Variants in PHF13 observed in about 807,000 individuals in gnomAD.
The protein encoded by PHF13 is PHD zinc finger protein PHF5.
Under a neutral mutation model 25.8 loss-of-function variants are expected in PHF13, and 1 was observed. That is an observed-to-expected ratio of 0.04 (90% CI 0.01 to 0.18). The LOEUF (loss-of-function observed/expected upper bound fraction) is 0.18, where lower values mean the gene tolerates loss of function less well. Among genes scored for constraint, PHF13 ranks in the 10% least tolerant of loss-of-function variants. PHF13 has a pLI of 1.00. For missense variants in PHF13, 306 were observed against 403.2 expected, an observed-to-expected ratio of 0.76 and a Z score of 2.06; for synonymous variants, 195 against 162.4, an observed-to-expected ratio of 1.20 and a Z score of -1.53.
rs1641341196 is a variant in PHF13, at chr1:6,621,595, C to T, written c.861C>T (p.Ser287=). The T allele has an allele frequency of 3.7e-6, 6 of 1,614,222 alleles. No individual in the cohort carries two copies. Among genetic ancestry groups the T allele is most frequent in the East Asian group, 2.2e-5 (1 of 44,884 alleles). Residue 287 remains serine (S), a synonymous_variant, in exon 4 of 4, where the codon TCC becomes TCT. Transcript: ENST00000377648. This position sits in a 1 kb window ranked among gnomAD's most constrained non-coding sequence, Gnocchi z 4.8. ...CRDSKFDIRR[S]NRSRTGSRKL... is the part of the protein sequence containing the mutation. ...ACTCCAAGTTTGACATCCGCCGTTC[C>T]AACCGCTCGCGGACGGGCTCCCGGA...
At chr1:6,614,393 C>T (rs551804766) in intron 1 of PHF13, 40 of 428,670 alleles carry the variant, frequency 9.3e-5, no homozygotes, top group South Asian at 6.6e-4. Flanking sequence ...CCTCTCCGGC[C>T]TCGCGTCGAC....
rs34391010 is a variant in PHF13, at chr1:6,621,032, G to GA, written c.677-365dup. Among the ~76,000 whole-genome samples the GA allele has an allele frequency of 0.65, 89,072 of 136,328 alleles. 29,064 individuals carry two copies. The highest frequency in any genetic ancestry group is 0.78 in the South Asian group (3,287 of 4,240). 89.4% of individuals were successfully genotyped at this position (136,328 alleles called of 152,430 possible). On this transcript the variant is annotated intron_variant, in intron 3 of 3. Coordinates refer to ENST00000377648, the MANE Select transcript of PHF13 (RefSeq NM_153812.3). The surrounding 1 kb of genome is among the most constrained non-coding windows in gnomAD (Gnocchi z 4.8). ...GGGCGACAGCAAAACTCCGTCTCAA[G>GA]AAAAAAAAAAAAAACAATAGTCGAG...
chr1:6,617,319 C>G (rs1641276228), intron 2 of PHF13, among the ~76,000 whole-genome samples: 1 of 152,206 alleles, frequency 6.6e-6, no homozygotes, highest in Non-Finnish European at 1.5e-5. Flanking sequence ...CTCCTGACCT[C>G]AGGTGATTCA....
At chr1:6,614,336 G>A in intron 1 of PHF13, 1 of 519,666 alleles carries the variant, frequency 1.9e-6, no homozygotes, top group Non-Finnish European at 3.3e-6. Flanking sequence ...TCCTCCCCGC[G>A]CCCTTTCCCC....
chr1:6,614,222 C>T (rs1276107158), intron 1 of PHF13, 117 bp downstream of exon 1: 16 of 796,574 alleles, frequency 2.0e-5, no homozygotes, highest in African/African-American at 5.4e-5. Context: ...CCCGCTTTCC[C>T]CTCGTCGGCC....
chr1:6,621,319 T>G lies in PHF13; in HGVS notation c.677-92T>G. ...CGAGTGGCAGTTGGAAGTGTTCTCG[T>G]CAGTAGAGTTAATGGGTTTCATGGA... On this transcript the variant is annotated intron_variant, in intron 3 of 3. Coordinates refer to ENST00000377648, the MANE Select transcript of PHF13 (RefSeq NM_153812.3). The surrounding 1 kb of genome is among the most constrained non-coding windows in gnomAD (Gnocchi z 4.8). The G allele has an allele frequency of 7.4e-7, 1 of 1,354,658 alleles. No individual in the cohort carries two copies. Among genetic ancestry groups the G allele is most frequent in the South Asian group, 1.2e-5 (1 of 80,180 alleles). 83.9% of individuals were successfully genotyped at this position (1,354,658 alleles called of 1,614,324 possible). A position where few individuals can be genotyped will look rare whatever the true frequency, so the allele number is the denominator to read the frequency against.
chr1:6,613,923 GCCC>G lies in PHF13; in HGVS notation c.-140_-138del. ...CAGAGCTTGAGAAGCGACGCGCTGA[GCCC>G]CCCATCACCTCCAGCCCGGGCGACC... On this transcript the variant is annotated 5_prime_UTR_variant, in exon 1 of 4. Transcript: ENST00000377648. The G allele has an allele frequency of 1.8e-6, 1 of 554,262 alleles. No individual in the cohort carries two copies. The highest frequency in any genetic ancestry group is 2.2e-5 in the South Asian group (1 of 44,700). The allele number at this position is 554,262 out of a possible 1,614,324, so 34.3% of individuals were successfully genotyped here.
In PHF13 at chr1:6,621,584, A is replaced by G. The variant is rs1328083589; in HGVS notation, c.850A>G (p.Ile284Val). 1.2e-6 allele frequency: 2 copies of G among 1,614,196 alleles called. No homozygotes were observed. The highest frequency in any genetic ancestry group is 1.7e-6 in the Non-Finnish European group (2 of 1,180,042). ...AAAGTGCCGGGACTCCAAGTTTGAC[A>G]TCCGCCGTTCCAACCGCTCGCGGAC... is the stretch of plus-strand genomic sequence containing the variant. Reference protein sequence around the residue: ...CQKCRDSKFDIRRSNRSRTGS... With the variant: ...CQKCRDSKFDVRRSNRSRTGS... Residue 284 changes from isoleucine (I) to valine (V), a missense_variant, in exon 4 of 4, where the codon ATC (isoleucine) becomes GTC (valine). Ile to Val is a conservative substitution (Grantham distance 29). Transcript: ENST00000377648. This position sits in a 1 kb window ranked among gnomAD's most constrained non-coding sequence, Gnocchi z 4.8.
intron 3 of PHF13, among the ~76,000 whole-genome samples, chr1:6,620,946 TA>T (rs1260672442): frequency 6.6e-6 from 1 of 150,436 alleles, no homozygotes; most frequent in African/African-American, 2.5e-5. Flanking sequence ...GTAGGAGAAT[TA>T]CTTAAACCCA....
At position 6,621,346 on chromosome 1, in the gene PHF13, GC is replaced by G; in HGVS notation, c.677-62del. 1 of 1,519,950 alleles carries G rather than the reference GC, an allele frequency of 6.6e-7. No homozygotes were observed. The highest frequency in any genetic ancestry group is 9.1e-7 in the Non-Finnish European group (1 of 1,101,952). The allele number at this position is 1,519,950 out of a possible 1,614,324, so 94.2% of individuals were successfully genotyped here. Reference sequence around the variant, plus strand: ...AGTAGAGTTAATGGGTTTCATGGAAGCCCAGCTGATGGCGAGGAATGATGGG... The same window carrying G: ...AGTAGAGTTAATGGGTTTCATGGAAGCCAGCTGATGGCGAGGAATGATGGG... On this transcript the variant is annotated intron_variant, in intron 3 of 3. Transcript: ENST00000377648. This position sits in a 1 kb window ranked among gnomAD's most constrained non-coding sequence, Gnocchi z 4.8.
chr1:6,618,502 C>T (rs1319195234), intron 2 of PHF13, among the ~76,000 whole-genome samples: 1 of 152,230 alleles, frequency 6.6e-6, no homozygotes, highest in Non-Finnish European at 1.5e-5. Context: ...AGTGATGCTC[C>T]TGCCTTGGTC....
chr1:6,620,443 T>C (rs1641321784), intron 3 of PHF13, 106 bp downstream of exon 3: 5 of 1,300,722 alleles, frequency 3.8e-6, no homozygotes, highest in Non-Finnish European at 5.3e-6. Flanking sequence ...GTGCCTTCCG[T>C]AGAGTGTGAC....
chr1:6,619,369 A>G (rs1369305797), intron 2 of PHF13, among the ~76,000 whole-genome samples: 1 of 150,710 alleles, frequency 6.6e-6, no homozygotes, highest in Non-Finnish European at 1.5e-5. Flanking sequence ...TTTTTTTGAG[A>G]CACAGAATCT....
chr1:6,623,498 C>T lies in PHF13; in HGVS notation c.*1861C>T, dbSNP rs563896712. 1.5e-3 allele frequency: 134 copies of T among 87,786 alleles called. No individual in the cohort carries two copies. Among genetic ancestry groups the T allele is most frequent in the African/African-American group, 5.8e-3 (126 of 21,906 alleles). 5.4% of individuals were successfully genotyped at this position (87,786 alleles called of 1,614,324 possible). On this transcript the variant is annotated 3_prime_UTR_variant, in exon 4 of 4. Coordinates refer to ENST00000377648, the MANE Select transcript of PHF13 (RefSeq NM_153812.3). Reference sequence around the variant, plus strand: ...ATAACCAGCGCTCCAAAGTGTTTTTCTGCTTTGAAAAAAAAAAATTCCACA... The same window carrying T: ...ATAACCAGCGCTCCAAAGTGTTTTTTTGCTTTGAAAAAAAAAAATTCCACA...
In PHF13 at chr1:6,621,634, C is replaced by G; in HGVS notation, c.900C>G (p.Asp300Glu). The change falls in exon 4 of 4, where the codon GAC (aspartate) becomes GAG (glutamate). Residue 300 changes from aspartate (D) to glutamate (E), a missense_variant. Physicochemically the swap from Asp to Glu is conservative, Grantham distance 45 (BLOSUM62 2). Around this residue, in one of 5 missense-constraint regions of PHF13, gnomAD observed 40 missense variants for 71.6 expected, o/e 0.56. Transcript: ENST00000377648. The surrounding 1 kb of genome is among the most constrained non-coding windows in gnomAD (Gnocchi z 4.8). ...SRTGSRKLFL[D>E] is the part of the protein sequence containing the mutation. ...CGGGCTCCCGGAAGCTGTTCCTGGA[C>G]TGACTGCTGGCTGGCGAGGAGGCTG... 1 of 1,614,030 alleles carries G rather than the reference C, an allele frequency of 6.2e-7. No homozygotes were observed. Among genetic ancestry groups the G allele is most frequent in the African/African-American group, 1.3e-5 (1 of 75,060 alleles).
At chr1:6,619,216 G>GT (rs1184148905) in intron 2 of PHF13, among the ~76,000 whole-genome samples, 1 of 152,210 alleles carries the variant, frequency 6.6e-6, no homozygotes, top group Admixed American at 6.5e-5. Context: ...ATAGGAGTGG[G>GT]TGTCCACAGC....
chr1:6,617,293 C>A (rs897297407), intron 2 of PHF13, among the ~76,000 whole-genome samples: 8 of 152,134 alleles, frequency 5.3e-5, no homozygotes, highest in African/African-American at 1.9e-4. Context: ...ACCTTGTTGG[C>A]CAGACTGGTC....
rs2148711891 is a variant in PHF13, at chr1:6,623,490, G to A, written c.*1853G>A. 1 of 132,612 alleles carries A rather than the reference G, an allele frequency of 7.5e-6. No homozygotes were observed. Among genetic ancestry groups the A allele is most frequent in the South Asian group, 2.8e-4 (1 of 3,632 alleles). The allele number at this position is 132,612 out of a possible 1,614,324, so 8.2% of individuals were successfully genotyped here. ...CCACGTGAATAACCAGCGCTCCAAA[G>A]TGTTTTTCTGCTTTGAAAAAAAAAA... On this transcript the variant is annotated 3_prime_UTR_variant, in exon 4 of 4. Transcript: ENST00000377648.
Position 6,621,609 on chromosome 1 carries a change from C to CGGGCTCCCGGAA in PHF13, c.877_888dup (p.Gly293_Lys296dup). On this transcript the variant is annotated inframe_insertion, in exon 4 of 4. Transcript: ENST00000377648. This position sits in a 1 kb window ranked among gnomAD's most constrained non-coding sequence, Gnocchi z 4.8. ...ATCCGCCGTTCCAACCGCTCGCGGA[C>CGGGCTCCCGGAA]GGGCTCCCGGAAGCTGTTCCTGGAC... 6.2e-7 allele frequency: 1 copy of CGGGCTCCCGGAA among 1,614,104 alleles called. No homozygotes were observed. Among genetic ancestry groups the CGGGCTCCCGGAA allele is most frequent in the South Asian group, 1.1e-5 (1 of 91,066 alleles).
Sources: gnomAD v4.1 joint callset for allele counts (sites outside exome capture counted in the v4.1 genomes callset) on GRCh38, gnomAD v4.1.1 for gene constraint, gnomAD v4.1.1 regional missense constraint, Gnocchi (gnomAD v3.1) non-coding constraint, MANE v1.5 for transcripts, NCBI Gene and HGNC (gene_info 2026-07-23, HGNC 2026-07-21) for gene names.